Variants in TAOK1 observed in about 807,000 individuals in gnomAD.
TAOK1 encodes the protein TAO kinase 1, also known as serine/threonine-protein kinase TAO1.
A neutral mutation model predicts 138.3 loss-of-function variants in TAOK1; 21 were observed. The ratio of observed to expected loss-of-function variants is 0.15; its 90% confidence interval spans 0.11 to 0.22. TAOK1 has a LOEUF of 0.22. Ranked by LOEUF, TAOK1 falls within the 10% of genes least tolerant of loss-of-function variation. The pLI, the probability that TAOK1 is intolerant of heterozygous loss-of-function variation, is 1.00. For synonymous variants in TAOK1, 361 were observed against 398.4 expected, an observed-to-expected ratio of 0.91 and a Z score of 1.12; for missense variants, 651 against 1,227.7, an observed-to-expected ratio of 0.53 and a Z score of 7.02.
chr17:29,495,962 T>C lies in TAOK1; in HGVS notation c.999+235T>C, dbSNP rs530063675. Among the ~76,000 whole-genome samples, 3 of 152,264 alleles carry C rather than the reference T, an allele frequency of 2.0e-5. No individual in the cohort carries two copies. The South Asian group carries it at 6.2e-4, about 32-fold the overall frequency. The stretch of plus-strand genomic sequence containing the variant: ...TCTTTAATCATGTTAGATTGCATGC[T>C]CTAAATCCAACCCCTTTATGGTACA... On this transcript the variant is annotated intron_variant, in intron 11 of 19. Transcript: ENST00000261716.
chr17:29,461,417 A>G (rs945447050), intron 2 of TAOK1, among the ~76,000 whole-genome samples: 3 of 152,170 alleles, frequency 2.0e-5, no homozygotes, highest in Non-Finnish European at 4.4e-5. Context: ...CAAAAGGTAT[A>G]TTTAGATAGA....
At position 29,549,700 on chromosome 17, in the gene TAOK1, C is replaced by A. The variant is rs1323006340; in HGVS notation, c.*6678C>A. 1 of 152,054 alleles carries A rather than the reference C, an allele frequency of 6.6e-6. No homozygotes were observed. The highest frequency in any genetic ancestry group is 1.5e-5 in the Non-Finnish European group (1 of 67,994). The allele number at this position is 152,054 out of a possible 1,614,324, so 9.4% of individuals were successfully genotyped here. ...TCCAAAAACCCCGGGGCTATTGGAA[C>A]CCTTCCAACACTTTTTCCTTTGTCA... On this transcript the variant is annotated 3_prime_UTR_variant, in exon 20 of 20. Transcript: ENST00000261716.
At chr17:29,524,560 C>T (rs529036530) in intron 17 of TAOK1, among the ~76,000 whole-genome samples, 1 of 152,184 alleles carries the variant, frequency 6.6e-6, no homozygotes, top group Non-Finnish European at 1.5e-5. Flanking sequence ...TTTCTGATTA[C>T]AAGTGAGCTC....
At chr17:29,429,111 C>CT (rs1905744220) in intron 1 of TAOK1, among the ~76,000 whole-genome samples, 1 of 151,860 alleles carries the variant, frequency 6.6e-6, no homozygotes, top group Non-Finnish European at 1.5e-5. Flanking sequence ...AACTTAATGC[C>CT]TTTCTAGGTG....
chr17:29,533,836 A>AGGGAGACCGTGGGGAGG (rs2032175140), intron 18 of TAOK1, among the ~76,000 whole-genome samples: 3 of 120,178 alleles, frequency 2.5e-5, no homozygotes, highest in Admixed American at 9.0e-5. Context: ...CCGTGGGGAG[A>AGGGAGACCGTGGGGAGG]GGGAGGGGGA....
At chr17:29,451,014 T>C (rs2030217778) in intron 1 of TAOK1, among the ~76,000 whole-genome samples, 1 of 152,242 alleles carries the variant, frequency 6.6e-6, no homozygotes, top group Non-Finnish European at 1.5e-5. Flanking sequence ...CACTATATTT[T>C]TCTTTGAATG....
In TAOK1 at chr17:29,451,804, A is replaced by G. The variant is rs929674748; in HGVS notation, c.132+124A>G. ...ATTTTATAGTCACTTGCATAGGGGG[A>G]AGAGAGAGAGCGCGAGAGCGAGAGC... On this transcript the variant is annotated intron_variant, in intron 2 of 19. Transcript: ENST00000261716. 8.5e-6 allele frequency: 10 copies of G among 1,174,756 alleles called. No individual in the cohort carries two copies. The African/African-American group carries it at 1.1e-4, about 13-fold the overall frequency. 72.8% of individuals were successfully genotyped at this position (1,174,756 alleles called of 1,614,324 possible).
chr17:29,548,960 T>C lies in TAOK1; in HGVS notation c.*5938T>C, dbSNP rs1329435910. On this transcript the variant is annotated 3_prime_UTR_variant, in exon 20 of 20. Transcript: ENST00000261716. Reference sequence around the variant, plus strand: ...AAATAATTTTATTTAATATAAATGATCACATGTCCTCAATCATGAATGAGG... The same window carrying C: ...AAATAATTTTATTTAATATAAATGACCACATGTCCTCAATCATGAATGAGG... 2 of 152,170 alleles carry C rather than the reference T, an allele frequency of 1.3e-5. No individual in the cohort carries two copies. The highest frequency in any genetic ancestry group is 2.4e-5 in the African/African-American group (1 of 41,462). The allele number at this position is 152,170 out of a possible 1,614,324, so 9.4% of individuals were successfully genotyped here. A position where few individuals can be genotyped will look rare whatever the true frequency, so the allele number is the denominator to read the frequency against.
At chr17:29,511,713 T>G (rs1390493809) in intron 15 of TAOK1, 1 of 151,900 alleles carries the variant, frequency 6.6e-6, no homozygotes, top group African/African-American at 2.4e-5. Context: ...TGGCTGATTT[T>G]TAAATTTATT....
intron 1 of TAOK1, among the ~76,000 whole-genome samples, chr17:29,401,490 C>A (rs150555561): frequency 7.0e-4 from 107 of 152,166 alleles, no homozygotes; most frequent in Admixed American, 1.4e-3. Flanking sequence ...TTTCCACTTT[C>A]CAACAACAGT....
chr17:29,518,161 C>T lies in TAOK1; in HGVS notation c.1908+505C>T, dbSNP rs140634305. Among the ~76,000 whole-genome samples the T allele has an allele frequency of 5.3e-5, 8 of 152,284 alleles. No individual in the cohort carries two copies. In the East Asian group the frequency reaches 9.6e-4, roughly 18 times the overall value. On this transcript the variant is annotated intron_variant, in intron 16 of 19. Transcript: ENST00000261716. The stretch of plus-strand genomic sequence containing the variant: ...ATGAGCTACCATGCCTGGACTGCAC[C>T]ACCACATTCTTCTGCTTTCTTTAAA...
At chr17:29,467,266 T>A in intron 3 of TAOK1, 50 bp downstream of exon 3, 4 of 1,202,824 alleles carry the variant, frequency 3.3e-6, no homozygotes, top group Non-Finnish European at 4.7e-6. Flanking sequence ...TATCTCAGAA[T>A]AAATATATAC....
intron 16 of TAOK1, among the ~76,000 whole-genome samples, chr17:29,519,644 C>G (rs777365592): frequency 1.3e-5 from 2 of 152,020 alleles, no homozygotes; most frequent in Non-Finnish European, 2.9e-5. Context: ...TGCGAGTTTA[C>G]TAATAAATTC....
At chr17:29,528,340 G>C (rs1012026529) in intron 17 of TAOK1, among the ~76,000 whole-genome samples, 1 of 152,058 alleles carries the variant, frequency 6.6e-6, no homozygotes, top group African/African-American at 2.4e-5. Flanking sequence ...GAGCCACCAC[G>C]CCTGGCCAAG....
At position 29,545,432 on chromosome 17, in the gene TAOK1, ATAT is replaced by A. The variant is rs886663620; in HGVS notation, c.*2415_*2417del. The A allele has an allele frequency of 2.6e-5, 4 of 152,306 alleles. No homozygotes were observed. The highest frequency in any genetic ancestry group is 9.6e-5 in the African/African-American group (4 of 41,572). 9.4% of individuals were successfully genotyped at this position (152,306 alleles called of 1,614,324 possible). On this transcript the variant is annotated 3_prime_UTR_variant, in exon 20 of 20. Coordinates refer to ENST00000261716, the MANE Select transcript of TAOK1 (RefSeq NM_020791.4). ...ATACAAAAACTCTTTCAAACCCAAA[ATAT>A]TATTGGTGGTACATTTTAAAGTCCA...
intron 1 of TAOK1, chr17:29,424,990 CTT>C (rs1369995192): frequency 6.6e-6 from 1 of 152,136 alleles, no homozygotes. Context: ...AGATATACTA[CTT>C]TGTCTCCATT....
intron 1 of TAOK1, among the ~76,000 whole-genome samples, chr17:29,428,960 G>T (rs12948666): frequency 0.15 from 22,796 of 151,984 alleles, 1,928 homozygotes; most frequent in Admixed American, 0.21. Context: ...TAAGCAAAAT[G>T]CCTGGAATAT....
chr17:29,415,475 G>A (rs1473938080), intron 1 of TAOK1, among the ~76,000 whole-genome samples: 1 of 152,072 alleles, frequency 6.6e-6, no homozygotes, highest in Non-Finnish European at 1.5e-5. Flanking sequence ...ATATATGAAG[G>A]TTCCAGTTTC....
intron 1 of TAOK1, among the ~76,000 whole-genome samples, chr17:29,414,567 A>G (rs748954254): frequency 7.0e-6 from 1 of 143,136 alleles, no homozygotes; most frequent in Non-Finnish European, 1.5e-5. Context: ...TTATTTATTT[A>G]TTTATTTGAG....
Sources: allele counts gnomAD v4.1 joint callset (sites outside exome capture counted in the v4.1 genomes callset), GRCh38; gene constraint gnomAD v4.1.1; transcripts MANE v1.5; gene names NCBI Gene and HGNC (gene_info 2026-07-23, HGNC 2026-07-21).